The following SLC35F1 variants were observed in gnomAD, a reference collection of about 807,000 sequenced individuals.
SLC35F1 encodes chromosome 6 open reading frame 169.
SLC35F1 carries 14 observed loss-of-function variants against 48.7 expected under a neutral mutation model. That is an observed-to-expected ratio of 0.29 (90% CI 0.19 to 0.45). The LOEUF is 0.45. SLC35F1 is among the 20% of genes least tolerant of loss of function. The pLI, the probability that SLC35F1 is intolerant of heterozygous loss-of-function variation, is 1.00. For synonymous variants in SLC35F1, 190 were observed against 202.2 expected, an observed-to-expected ratio of 0.94 and a Z score of 0.51; for missense variants, 404 against 500.0, an observed-to-expected ratio of 0.81 and a Z score of 1.83.
chr6:118,140,468 T>C (rs530811746), intron 1 of SLC35F1, among the ~76,000 whole-genome samples: 61 of 152,322 alleles, frequency 4.0e-4, no homozygotes, highest in African/African-American at 1.4e-3. Context: ...TACAAAAGTA[T>C]AGCACATACA....
chr6:117,948,532 T>C (rs1776322505), intron 1 of SLC35F1, among the ~76,000 whole-genome samples: 1 of 152,172 alleles, frequency 6.6e-6, no homozygotes, highest in East Asian at 1.9e-4. Flanking sequence ...ATCATAGCCC[T>C]TATTCATTTA....
intron 1 of SLC35F1, among the ~76,000 whole-genome samples, chr6:118,058,391 T>C (rs1772491629): frequency 6.6e-6 from 1 of 152,178 alleles, no homozygotes; most frequent in Admixed American, 6.5e-5. Context: ...TAAGAACTCA[T>C]CTTATTTCTG....
intron 1 of SLC35F1, among the ~76,000 whole-genome samples, chr6:117,982,408 A>C (rs1776791776): frequency 6.6e-6 from 1 of 152,234 alleles, no homozygotes; most frequent in Non-Finnish European, 1.5e-5. Flanking sequence ...AGAAATAAAA[A>C]CTATGATTTT....
intron 1 of SLC35F1, among the ~76,000 whole-genome samples, chr6:117,921,077 C>T (rs1775892660): frequency 6.6e-6 from 1 of 151,784 alleles, no homozygotes; most frequent in African/African-American, 2.4e-5. Flanking sequence ...CACACACACA[C>T]ACACACACAC....
chr6:118,081,562 C>A (rs1430405714), intron 1 of SLC35F1, among the ~76,000 whole-genome samples: 2 of 152,112 alleles, frequency 1.3e-5, no homozygotes, highest in Non-Finnish European at 2.9e-5. Flanking sequence ...TTGAGCCCAG[C>A]AGTTTGAGGC....
chr6:118,052,476 C>A (rs1772405038), intron 1 of SLC35F1, among the ~76,000 whole-genome samples: 1 of 152,084 alleles, frequency 6.6e-6, no homozygotes, highest in Admixed American at 6.6e-5. Flanking sequence ...ATAGGAACAT[C>A]TTAGAAAAGG....
At chr6:117,986,867 C>T (rs1039480210) in intron 1 of SLC35F1, among the ~76,000 whole-genome samples, 1 of 152,182 alleles carries the variant, frequency 6.6e-6, no homozygotes, top group African/African-American at 2.4e-5. Flanking sequence ...TTTCCAGCAG[C>T]CTGTGTTGGG....
chr6:118,265,386 G>A lies in SLC35F1; in HGVS notation c.478-1609G>A, dbSNP rs74496508. Among the ~76,000 whole-genome samples the A allele has an allele frequency of 2.6e-3, 389 of 152,250 alleles. 1 individual carries two copies. The highest frequency in any genetic ancestry group is 8.7e-3 in the African/African-American group (363 of 41,546). ...AGTGTTCTGATGCCAATAATCCTGT[G>A]CTAATTAAGTACTATTACAATTGGA... On this transcript the variant is annotated intron_variant, in intron 3 of 7. Coordinates refer to ENST00000360388, the MANE Select transcript of SLC35F1 (RefSeq NM_001029858.4).
chr6:117,998,353 T>A (rs1264494126), intron 1 of SLC35F1, among the ~76,000 whole-genome samples: 2 of 151,200 alleles, frequency 1.3e-5, no homozygotes, highest in Non-Finnish European at 2.9e-5. Flanking sequence ...ACTGTCAACA[T>A]TAGACAGATC....
intron 1 of SLC35F1, among the ~76,000 whole-genome samples, chr6:118,085,515 T>TTTTTG (rs1772976399): frequency 7.4e-6 from 1 of 135,106 alleles, no homozygotes; most frequent in Non-Finnish European, 1.6e-5. Flanking sequence ...TTTTTTTTTT[T>TTTTTG]GAGGTAGAGC....
chr6:117,908,294 C>T (rs970825412), intron 1 of SLC35F1, among the ~76,000 whole-genome samples: 1 of 152,200 alleles, frequency 6.6e-6, no homozygotes, highest in Non-Finnish European at 1.5e-5. Flanking sequence ...AGGAGGGAGG[C>T]GCGGGGCTGC....
At chr6:117,912,732 A>G (rs1775778276) in intron 1 of SLC35F1, among the ~76,000 whole-genome samples, 1 of 152,242 alleles carries the variant, frequency 6.6e-6, no homozygotes, top group South Asian at 2.1e-4. Flanking sequence ...AAAGGACAAA[A>G]TTATAAAAAT....
intron 2 of SLC35F1, among the ~76,000 whole-genome samples, chr6:118,155,556 C>T (rs1256541251): frequency 1.3e-5 from 2 of 152,152 alleles, no homozygotes; most frequent in Non-Finnish European, 2.9e-5. Context: ...AGCCCTTTAA[C>T]CTTGGACTTC....
intron 3 of SLC35F1, among the ~76,000 whole-genome samples, chr6:118,265,613 TC>T: frequency 6.6e-6 from 1 of 152,172 alleles, no homozygotes; most frequent in Admixed American, 6.5e-5. Context: ...AGAGGCTTGT[TC>T]CATGTAGCAG....
intron 1 of SLC35F1, among the ~76,000 whole-genome samples, chr6:118,113,104 T>A (rs1773432191): frequency 6.6e-6 from 1 of 152,170 alleles, no homozygotes. Flanking sequence ...TTTTATTTAT[T>A]TCTAAAGATA....
chr6:117,999,445 G>T, intron 1 of SLC35F1: 1 of 1,581,146 alleles, frequency 6.3e-7, no homozygotes, highest in Non-Finnish European at 8.6e-7. Flanking sequence ...AGGCTTCAGA[G>T]TAGATATCTC....
chr6:118,307,888 G>A (rs1475648281), intron 7 of SLC35F1, among the ~76,000 whole-genome samples: 1 of 152,166 alleles, frequency 6.6e-6, no homozygotes, highest in Non-Finnish European at 1.5e-5. Flanking sequence ...TTGTACCCAA[G>A]CTCCAGGTAT....
At chr6:118,116,377 A>G (rs1442372293) in intron 1 of SLC35F1, among the ~76,000 whole-genome samples, 2 of 152,230 alleles carry the variant, frequency 1.3e-5, no homozygotes, top group African/African-American at 4.8e-5. Flanking sequence ...CCATGGGCAC[A>G]CAGAGTCTAG....
At chr6:118,112,022 C>T (rs1182286679) in intron 1 of SLC35F1, among the ~76,000 whole-genome samples, 6 of 152,176 alleles carry the variant, frequency 3.9e-5, no homozygotes, top group Non-Finnish European at 8.8e-5. Context: ...TGGGAGTGTC[C>T]AGATACCCCA....
Sources: allele counts gnomAD v4.1 joint callset (sites outside exome capture counted in the v4.1 genomes callset), GRCh38; gene constraint gnomAD v4.1.1; transcripts MANE v1.5; gene names NCBI Gene and HGNC (gene_info 2026-07-23, HGNC 2026-07-21).